The following RAD50 variants were observed in gnomAD, a reference collection of about 807,000 sequenced individuals.
RAD50 encodes RAD50 double strand break repair protein, also known as DNA repair protein RAD50.
Under a neutral mutation model 168.8 loss-of-function variants are expected in RAD50, and 132 were observed. The ratio of observed to expected loss-of-function variants is 0.78; its 90% CI spans 0.68 to 0.90. The LOEUF (loss-of-function observed/expected upper bound fraction) is 0.90, where lower values mean the gene tolerates loss of function less well. Ranked by LOEUF, RAD50 falls within the 40% of genes least tolerant of loss-of-function variation. The pLI is 0.00. For synonymous variants in RAD50, 525 were observed against 497.4 expected, an observed-to-expected ratio of 1.06 and a Z score of -0.74; for missense variants, 1,347 against 1,534.4, an observed-to-expected ratio of 0.88 and a Z score of 2.04.
intron 5 of RAD50, among the ~76,000 whole-genome samples, chr5:132,582,331 T>C (rs1442570562): frequency 6.6e-6 from 1 of 152,224 alleles, no homozygotes; most frequent in East Asian, 1.9e-4. Context: ...CTCTGTATCC[T>C]CAGAGCCTAG....
chr5:132,595,699 G>C lies in RAD50; in HGVS notation c.2096G>C (p.Ser699Thr). 6.2e-7 allele frequency: 1 copy of C among 1,613,868 alleles called. No individual in the cohort carries two copies. Among genetic ancestry groups the C allele is most frequent in the East Asian group, 2.2e-5 (1 of 44,878 alleles). Reference protein sequence around the residue: ...QTEAELQEVISDLQSKLRLAP... With the variant: ...QTEAELQEVITDLQSKLRLAP... ...GAGGCTGAGTTACAAGAAGTCATCA[G>C]TGATTTGCAGTCTAAACTGCGACTT... is the stretch of plus-strand genomic sequence containing the variant. The change falls in exon 13 of 25, where the codon AGT (serine) becomes ACT (threonine). Residue 699 changes from serine to threonine, a missense_variant. Around this residue, in one of 3 missense-constraint regions of RAD50, gnomAD observed 635 missense variants for 739.2 expected, o/e 0.86. Coordinates refer to ENST00000378823, the MANE Select transcript of RAD50 (RefSeq NM_005732.4).
chr5:132,641,174 G>T (rs952223793), intron 24 of RAD50, among the ~76,000 whole-genome samples: 9 of 152,200 alleles, frequency 5.9e-5, no homozygotes, highest in Non-Finnish European at 1.3e-4. Flanking sequence ...GCAGGTAGTG[G>T]TAGTGGGTTT....
In RAD50 at chr5:132,591,327, G is replaced by A. The variant is rs140333740; in HGVS notation, c.1556G>A (p.Arg519His). 2.1e-5 allele frequency: 34 copies of A among 1,613,740 alleles called. No individual in the cohort carries two copies. The highest frequency in any genetic ancestry group is 2.6e-5 in the Non-Finnish European group (31 of 1,179,814). Residue 519 changes from arginine to histidine, a missense_variant, in exon 10 of 25, where the codon CGT becomes CAT. By Grantham distance (29) the Arg-to-His change is conservative (BLOSUM62 0). This residue lies in a region of RAD50 where 703 missense variants were observed against 767.7 expected (regional missense o/e 0.92). Coordinates refer to ENST00000378823, the MANE Select transcript of RAD50 (RefSeq NM_005732.4). ...NEKADLDRTLRKLDQEMEQLN... is the reference protein window; with the variant it reads ...NEKADLDRTLHKLDQEMEQLN... ...AAAGCAGACTTAGACAGGACCCTGC[G>A]TAAACTTGACCAGGAGATGGAGCAG...
chr5:132,581,422 G>A (rs1750503328), intron 5 of RAD50, among the ~76,000 whole-genome samples: 1 of 152,146 alleles, frequency 6.6e-6, no homozygotes, highest in African/African-American at 2.4e-5. Flanking sequence ...ACCTGGAAAT[G>A]TTTGTATTTA....
chr5:132,629,529 GGTACTCA>G (rs1335196683), intron 21 of RAD50, among the ~76,000 whole-genome samples: 42 of 152,218 alleles, frequency 2.8e-4, no homozygotes, highest in Non-Finnish European at 3.4e-4. Context: ...TCTCTTACCT[GGTACTCA>G]GATGGATTCT....
chr5:132,604,748 A>T (rs1750951613), intron 15 of RAD50, 58 bp from the exon 16 acceptor site: 3 of 1,366,136 alleles, frequency 2.2e-6, no homozygotes, highest in Non-Finnish European at 3.1e-6. Flanking sequence ...GAAGAATGAT[A>T]CAAATAGTAT....
chr5:132,557,471 G>C lies in RAD50; in HGVS notation c.129+18G>C. On this transcript the variant is annotated intron_variant, in intron 1 of 24. Coordinates refer to ENST00000378823, the MANE Select transcript of RAD50 (RefSeq NM_005732.4). ...GAAAGACGGTAAGTCTTCAGTAGCC[G>C]CCTTCAGTTTACAGGTCGCTACATC... 1 of 1,613,960 alleles carries C rather than the reference G, an allele frequency of 6.2e-7. No homozygotes were observed. The highest frequency in any genetic ancestry group is 8.5e-7 in the Non-Finnish European group (1 of 1,179,812).
At chr5:132,611,371 A>G (rs1581006128) in intron 19 of RAD50, among the ~76,000 whole-genome samples, 1 of 150,894 alleles carries the variant, frequency 6.6e-6, no homozygotes, top group African/African-American at 2.4e-5. Flanking sequence ...AGCCTGGGTG[A>G]CAAGAGTGAA....
rs573860603 is a variant in RAD50, at chr5:132,613,581, T to A, written c.3037-2422T>A. On this transcript the variant is annotated intron_variant, in intron 19 of 24. Coordinates refer to ENST00000378823, the MANE Select transcript of RAD50 (RefSeq NM_005732.4). ...TGATTACATACACTCATTCCTTTAA[T>A]CTTCACAATAGTCTTTTTTTTTTTT... Among the ~76,000 whole-genome samples the A allele has an allele frequency of 2.1e-4, 32 of 150,294 alleles. No individual in the cohort carries two copies. In the South Asian group the frequency reaches 6.7e-3, roughly 32 times the overall value.
rs1459344067 is a variant in RAD50, at chr5:132,595,769, G to A, written c.2166G>A (p.Lys722=). Residue 722 remains lysine (K), a synonymous_variant, in exon 13 of 25, where the codon AAG becomes AAA. Transcript: ENST00000378823. ...CAACAGAATCAGAGCTAAAAAAAAA[G>A]GAAAAGCGGCGTGATGAAATGCTGG... ...LKSTESELKK[K]EKRRDEMLGL... 6.2e-7 allele frequency: 1 copy of A among 1,612,796 alleles called. No homozygotes were observed. Among genetic ancestry groups the A allele is most frequent in the South Asian group, 1.1e-5 (1 of 91,030 alleles).
intron 5 of RAD50, among the ~76,000 whole-genome samples, chr5:132,585,463 G>T (rs2149839781): frequency 6.6e-6 from 1 of 151,946 alleles, no homozygotes. Context: ...ATTGATTATT[G>T]ATTTTGAGCA....
chr5:132,608,581 AT>A (rs1194995212), intron 16 of RAD50, 33 bp from the exon 17 acceptor site: 8 of 1,465,748 alleles, frequency 5.5e-6, no homozygotes, highest in Non-Finnish European at 4.6e-6. Context: ...ATAATGGAAT[AT>A]TATATAATAC....
Position 132,588,099 on chromosome 5 carries a change from A to G in RAD50, c.1051+10A>G, listed in dbSNP as rs864622681. ...CTGCTTGTTGAACAGGGTAGGACAA[A>G]ATGTTTATTTGGTCGTTTTTCCTAC... is the stretch of plus-strand genomic sequence containing the variant. On this transcript the variant is annotated intron_variant, in intron 7 of 24. Coordinates refer to ENST00000378823, the MANE Select transcript of RAD50 (RefSeq NM_005732.4). 1 of 1,606,192 alleles carries G rather than the reference A, an allele frequency of 6.2e-7. No homozygotes were observed. The highest frequency in any genetic ancestry group is 8.5e-7 in the Non-Finnish European group (1 of 1,173,208).
chr5:132,566,272 C>G (rs149233756), intron 2 of RAD50, among the ~76,000 whole-genome samples: 106 of 152,256 alleles, frequency 7.0e-4, no homozygotes, highest in African/African-American at 2.4e-3. Context: ...GCTAGGTCCT[C>G]GAAAAGTAGA....
chr5:132,584,579 G>A (rs1288966624), intron 5 of RAD50, among the ~76,000 whole-genome samples: 2 of 152,214 alleles, frequency 1.3e-5, no homozygotes, highest in Middle Eastern at 3.4e-3. Context: ...ATTTGACCCA[G>A]CCATCCCATT....
chr5:132,631,849 G>A (rs958336380), intron 21 of RAD50, among the ~76,000 whole-genome samples: 2 of 152,142 alleles, frequency 1.3e-5, no homozygotes, highest in Admixed American at 1.3e-4. Context: ...GGGATTGCAG[G>A]TGTGAGCCAC....
At chr5:132,589,537 G>A (rs190233904) in intron 8 of RAD50, 94 bp from the exon 9 acceptor site, 959 of 1,000,952 alleles carry the variant, frequency 9.6e-4, no homozygotes, top group Non-Finnish European at 1.3e-3. Context: ...GTACTTTTTT[G>A]TATTTTCTTC....
intron 22 of RAD50, among the ~76,000 whole-genome samples, chr5:132,637,511 T>C (rs1467728208): frequency 7.3e-6 from 1 of 136,864 alleles, no homozygotes; most frequent in Non-Finnish European, 1.6e-5. Flanking sequence ...CAGAGGAAAC[T>C]CTTTTTTTTT....
At chr5:132,575,114 G>A (rs180783289) in intron 2 of RAD50, among the ~76,000 whole-genome samples, 143 of 152,272 alleles carry the variant, frequency 9.4e-4, no homozygotes, top group Middle Eastern at 3.4e-3. Context: ...TACTGTATGA[G>A]TCCGTTTTCA....
Sources: allele counts gnomAD v4.1 joint callset (sites outside exome capture counted in the v4.1 genomes callset), GRCh38; gene constraint gnomAD v4.1.1; regional missense constraint gnomAD v4.1.1; transcripts MANE v1.5; gene names NCBI Gene and HGNC (gene_info 2026-07-23, HGNC 2026-07-21).